The following CADPS variants were observed in gnomAD, a reference collection of about 807,000 sequenced individuals.
CADPS encodes the protein calcium-dependent secretion activator 1.
CADPS carries 57 observed loss-of-function variants against 167.3 expected under a neutral mutation model. The ratio of observed to expected loss-of-function variants is 0.34; its 90% confidence interval spans 0.28 to 0.42. CADPS has a LOEUF of 0.42. Ranked by LOEUF, CADPS falls within the 20% of genes least tolerant of loss-of-function variation. The pLI is 1.00. For synonymous variants in CADPS, 676 were observed against 635.3 expected, an observed-to-expected ratio of 1.06 and a Z score of -0.96; for missense variants, 1,414 against 1,738.1, an observed-to-expected ratio of 0.81 and a Z score of 3.32.
chr3:62,825,187 A>G (rs1406498923), intron 1 of CADPS, among the ~76,000 whole-genome samples: 1 of 152,108 alleles, frequency 6.6e-6, no homozygotes, highest in Non-Finnish European at 1.5e-5. Context: ...CAGAGAACTC[A>G]GTTTATTTTA....
chr3:62,644,167 C>T (rs2150034441), intron 6 of CADPS, among the ~76,000 whole-genome samples: 1 of 152,316 alleles, frequency 6.6e-6, no homozygotes, highest in East Asian at 1.9e-4. Flanking sequence ...GTTTGAACAT[C>T]CTGGCAAATT....
At chr3:62,506,099 A>C (rs2066628743) in intron 17 of CADPS, among the ~76,000 whole-genome samples, 1 of 152,194 alleles carries the variant, frequency 6.6e-6, no homozygotes, top group Non-Finnish European at 1.5e-5. Flanking sequence ...ATTAAATACT[A>C]TTTAAGACAG....
chr3:62,759,230 G>A (rs2084754028), intron 2 of CADPS, among the ~76,000 whole-genome samples: 1 of 152,100 alleles, frequency 6.6e-6, no homozygotes, highest in African/African-American at 2.4e-5. Context: ...TAAGATGGGA[G>A]TTATAACAAC....
intron 1 of CADPS, among the ~76,000 whole-genome samples, chr3:62,768,480 T>C (rs1289366308): frequency 6.6e-6 from 1 of 152,210 alleles, no homozygotes; most frequent in Non-Finnish European, 1.5e-5. Flanking sequence ...AGATTGATTG[T>C]TGACCCAGGC....
chr3:62,561,078 C>CAAAAAAAAAAAA, intron 9 of CADPS, among the ~76,000 whole-genome samples: 1 of 83,576 alleles, frequency 1.2e-5, no homozygotes, highest in South Asian at 5.6e-4. Context: ...AACTCCATCT[C>CAAAAAAAAAAAA]AAAAAAAAAA....
intron 3 of CADPS, among the ~76,000 whole-genome samples, chr3:62,685,536 T>C (rs899849593): frequency 6.6e-6 from 1 of 151,920 alleles, no homozygotes; most frequent in African/African-American, 2.4e-5. Context: ...AGTGACTTAT[T>C]TATATAGCTA....
chr3:62,691,630 G>A (rs2079136961), intron 3 of CADPS, among the ~76,000 whole-genome samples: 1 of 152,040 alleles, frequency 6.6e-6, no homozygotes, highest in African/African-American at 2.4e-5. Context: ...TCATTTGCAG[G>A]GACATGGATG....
chr3:62,599,801 T>C (rs2059602360), intron 6 of CADPS, among the ~76,000 whole-genome samples: 1 of 32,218 alleles, frequency 3.1e-5, no homozygotes, highest in African/African-American at 1.4e-4. Flanking sequence ...ATATATAATA[T>C]ATAATAAATA....
intron 1 of CADPS, among the ~76,000 whole-genome samples, chr3:62,853,646 A>C (rs1006413763): frequency 1.3e-5 from 2 of 151,078 alleles, no homozygotes; most frequent in Non-Finnish European, 3.0e-5. Flanking sequence ...AAAAGAAAAG[A>C]AAAGAAAAGA....
At chr3:62,629,001 C>A (rs1178923766) in intron 6 of CADPS, among the ~76,000 whole-genome samples, 1 of 152,112 alleles carries the variant, frequency 6.6e-6, no homozygotes, top group Non-Finnish European at 1.5e-5. Context: ...CCACCATTGT[C>A]TCTTGCTTGG....
chr3:62,592,807 T>A, intron 6 of CADPS, 59 bp from the exon 7 acceptor site: 1 of 1,258,342 alleles, frequency 7.9e-7, no homozygotes, highest in East Asian at 2.4e-5. Flanking sequence ...GTCTAAACTA[T>A]TCCATTGTTC....
intron 3 of CADPS, among the ~76,000 whole-genome samples, chr3:62,700,851 T>C (rs2081260725): frequency 6.6e-6 from 1 of 152,126 alleles, no homozygotes; most frequent in African/African-American, 2.4e-5. Context: ...CAAAATACCA[T>C]AGCCTGGGTG....
At chr3:62,481,656 A>G in intron 22 of CADPS, 67 bp downstream of exon 22, 1 of 1,396,678 alleles carries the variant, frequency 7.2e-7, no homozygotes, top group East Asian at 2.4e-5. Flanking sequence ...GTATAGAAAT[A>G]AACAATACAT....
rs2059547981 is a variant in CADPS, at chr3:62,599,756, T to TA, written c.1326-7009dup. Among the ~76,000 whole-genome samples, 2 of 23,388 alleles carry TA rather than the reference T, an allele frequency of 8.6e-5. 1 individual carries two copies. Among genetic ancestry groups the TA allele is most frequent in the Non-Finnish European group, 1.4e-4 (2 of 14,200 alleles). 15.3% of individuals were successfully genotyped at this position (23,388 alleles called of 152,430 possible). On this transcript the variant is annotated intron_variant, in intron 6 of 29. Coordinates refer to ENST00000383710, the MANE Select transcript of CADPS (RefSeq NM_003716.4). ...TATATAATATATATAATCTATTATA[T>TA]ATATTGTATATATAATATATATATT...
At chr3:62,741,599 A>C (rs2080265254) in intron 3 of CADPS, among the ~76,000 whole-genome samples, 1 of 152,198 alleles carries the variant, frequency 6.6e-6, no homozygotes, top group Non-Finnish European at 1.5e-5. Flanking sequence ...ACTCTCAATA[A>C]ACTAGGTATT....
intron 1 of CADPS, among the ~76,000 whole-genome samples, chr3:62,824,308 T>C (rs2073626044): frequency 1.3e-5 from 2 of 152,198 alleles, no homozygotes; most frequent in South Asian, 4.1e-4. Context: ...ACAGTTATCA[T>C]CAGCTAAAAA....
At position 62,483,670 on chromosome 3, in the gene CADPS, T is replaced by C. The variant is rs549213651; in HGVS notation, c.3027-1801A>G. The stretch of plus-strand genomic sequence containing the variant: ...GGAATGGTCAAGAAAAGATTAACTA[T>C]ATGACTATTAAACAGAAGGGAAAAT... On this transcript the variant is annotated intron_variant, in intron 21 of 29. Coordinates refer to ENST00000383710, the MANE Select transcript of CADPS (RefSeq NM_003716.4). Among the ~76,000 whole-genome samples, 5 of 152,188 alleles carry C rather than the reference T, an allele frequency of 3.3e-5. No individual in the cohort carries two copies. The South Asian group carries it at 8.3e-4, about 25-fold the overall frequency.
chr3:62,789,150 G>A (rs1241820736), intron 1 of CADPS, among the ~76,000 whole-genome samples: 1 of 152,150 alleles, frequency 6.6e-6, no homozygotes, highest in Non-Finnish European at 1.5e-5. Flanking sequence ...CTCAATCACT[G>A]GTGTTTATGA....
intron 1 of CADPS, among the ~76,000 whole-genome samples, chr3:62,801,022 T>A (rs1235985582): frequency 6.6e-6 from 1 of 152,142 alleles, no homozygotes; most frequent in Admixed American, 6.6e-5. Flanking sequence ...GTCAGTCAAA[T>A]GGATCTTGAT....
Sources: allele counts gnomAD v4.1 joint callset (sites outside exome capture counted in the v4.1 genomes callset), GRCh38; gene constraint gnomAD v4.1.1; transcripts MANE v1.5; gene names NCBI Gene and HGNC (gene_info 2026-07-23, HGNC 2026-07-21).